The following RIPOR2 variants were observed in gnomAD, a reference collection of about 807,000 sequenced individuals.
The protein encoded by RIPOR2 is rho family-interacting cell polarization regulator 2.
In RIPOR2, 39 loss-of-function variants were observed where a neutral mutation model predicts 114.5. The ratio of observed to expected loss-of-function variants is 0.34; its 90% CI spans 0.26 to 0.44. RIPOR2 has a LOEUF of 0.44. Ranked by LOEUF, RIPOR2 falls within the 20% of genes least tolerant of loss-of-function variation. The probability of loss-of-function intolerance (pLI) is 1.00; values close to 1 mark genes in which losing one functional copy is unlikely to be tolerated. For missense variants in RIPOR2, 1,007 were observed against 1,255.1 expected (o/e 0.80, Z 2.99); for synonymous variants, 445 against 484.4 (o/e 0.92, Z 1.07).
chr6:24,966,962 T>C (rs1011682670), intron 1 of RIPOR2, among the ~76,000 whole-genome samples: 1 of 152,174 alleles, frequency 6.6e-6, no homozygotes, highest in African/African-American at 2.4e-5. Flanking sequence ...TGTACAGAGG[T>C]GAAGCTACTT....
intron 18 of RIPOR2, among the ~76,000 whole-genome samples, chr6:24,825,661 T>A (rs1760107407): frequency 6.6e-6 from 1 of 152,110 alleles, no homozygotes; most frequent in South Asian, 2.1e-4. Context: ...TGAAGGTGGG[T>A]TTCTATCTCA....
chr6:25,018,860 A>G (rs2113704313), intron 1 of RIPOR2, among the ~76,000 whole-genome samples: 1 of 152,284 alleles, frequency 6.6e-6, no homozygotes. Context: ...AAAGTTCCCC[A>G]ATAACTTTTC....
At chr6:24,854,854 C>A (rs1225893044) in intron 8 of RIPOR2, among the ~76,000 whole-genome samples, 1 of 151,844 alleles carries the variant, frequency 6.6e-6, no homozygotes, top group Admixed American at 6.6e-5. Flanking sequence ...ATGGTGAAAC[C>A]CTATCTCTAC....
At chr6:24,920,680 G>T (rs1226803405) in intron 1 of RIPOR2, among the ~76,000 whole-genome samples, 1 of 152,108 alleles carries the variant, frequency 6.6e-6, no homozygotes, top group East Asian at 1.9e-4. Flanking sequence ...TACTTAGAAT[G>T]GGACTTCATG....
At chr6:24,897,482 G>A (rs1036640399) in intron 1 of RIPOR2, among the ~76,000 whole-genome samples, 8 of 152,170 alleles carry the variant, frequency 5.3e-5, no homozygotes, top group African/African-American at 1.7e-4. Flanking sequence ...TTTGGATTCC[G>A]GATTACACTG....
At chr6:24,882,767 C>A (rs529715173) in intron 1 of RIPOR2, among the ~76,000 whole-genome samples, 3 of 152,210 alleles carry the variant, frequency 2.0e-5, no homozygotes, top group African/African-American at 4.8e-5. Flanking sequence ...CTTTTTCTAT[C>A]GGATTCTTTT....
intron 1 of RIPOR2, chr6:25,031,422 T>G (rs190393225): frequency 7.1e-4 from 108 of 152,032 alleles, no homozygotes; most frequent in African/African-American, 2.2e-3. Context: ...TCTTCATTGT[T>G]GTGGTGGTTA....
At position 24,981,772 on chromosome 6, in the gene RIPOR2, T is replaced by C. The variant is rs142077409; in HGVS notation, c.76+60079A>G. ...ACCTCTCTGTTCCACAGTGTTGTCA[T>C]CTATGAAATAAAGAGTATAGTAACA... On this transcript the variant is annotated intron_variant, in intron 1 of 13. Transcript: ENST00000510784. Among the ~76,000 whole-genome samples the C allele has an allele frequency of 6.7e-3, 1,020 of 152,330 alleles. 5 individuals are homozygous for C. Among genetic ancestry groups the C allele is most frequent in the Middle Eastern group, 0.037 (11 of 294 alleles).
At chr6:24,971,556 T>G (rs1309396891) in intron 1 of RIPOR2, among the ~76,000 whole-genome samples, 2 of 152,266 alleles carry the variant, frequency 1.3e-5, no homozygotes, top group African/African-American at 4.8e-5. Flanking sequence ...ATATTTTTCT[T>G]TCTTCCTATG....
chr6:25,022,331 G>A (rs373105595), intron 1 of RIPOR2, among the ~76,000 whole-genome samples: 2 of 151,998 alleles, frequency 1.3e-5, no homozygotes, highest in South Asian at 2.1e-4. Context: ...CAGTATGTAG[G>A]CTTTTGAGTC....
intron 1 of RIPOR2, among the ~76,000 whole-genome samples, chr6:24,913,840 G>T (rs1449917576): frequency 6.6e-6 from 1 of 152,066 alleles, no homozygotes. Flanking sequence ...AGATATCTCG[G>T]CTGGGTCCTT....
intron 5 of RIPOR2, among the ~76,000 whole-genome samples, 179 bp downstream of exon 5, chr6:24,870,687 A>G (rs541771479): frequency 1.8e-4 from 28 of 152,174 alleles, no homozygotes; most frequent in African/African-American, 6.7e-4. Context: ...TTTGTATTTC[A>G]TTTTTTGGTA....
At chr6:24,847,561 T>C (rs1762437405) in intron 12 of RIPOR2, 4 of 1,551,510 alleles carry the variant, frequency 2.6e-6, no homozygotes, top group Middle Eastern at 1.7e-4. Context: ...TAGCACGGCC[T>C]TGGGACTCGG....
At chr6:24,880,906 G>C (rs1396115757) in intron 1 of RIPOR2, among the ~76,000 whole-genome samples, 4 of 152,170 alleles carry the variant, frequency 2.6e-5, no homozygotes, top group African/African-American at 9.7e-5. Flanking sequence ...AGGTTCACCA[G>C]TTCACCAGAT....
intron 1 of RIPOR2, among the ~76,000 whole-genome samples, chr6:24,953,054 C>T (rs1466458263): frequency 6.6e-6 from 1 of 152,154 alleles, no homozygotes; most frequent in Non-Finnish European, 1.5e-5. Context: ...AAGGTTATGG[C>T]TGGGTGTGGT....
chr6:24,951,279 C>T (rs978355501), intron 1 of RIPOR2, among the ~76,000 whole-genome samples: 3 of 152,134 alleles, frequency 2.0e-5, no homozygotes, highest in African/African-American at 7.2e-5. Flanking sequence ...GGTTTTTATG[C>T]TCAGGAGAAC....
At chr6:25,024,290 G>A in intron 1 of RIPOR2, 1 of 1,531,850 alleles carries the variant, frequency 6.5e-7, no homozygotes, top group South Asian at 1.1e-5. Context: ...ACTCCCTGAT[G>A]ACATCCTCAA....
intron 1 of RIPOR2, among the ~76,000 whole-genome samples, chr6:24,915,055 G>T (rs1049303208): frequency 6.6e-6 from 1 of 152,128 alleles, no homozygotes; most frequent in African/African-American, 2.4e-5. Context: ...ATTCTTACAG[G>T]TGACTAGTCC....
At position 25,024,349 on chromosome 6, in the gene RIPOR2, C is replaced by T. The variant is rs1265480133; in HGVS notation, c.76+17502G>A. ...TTCAGTGCCTTCTTCCTGGCTTCCT[C>T]GAAGTCTTCCTTCTGGCCAGTGTTG... On this transcript the variant is annotated intron_variant, in intron 1 of 13. Coordinates refer to the RIPOR2 transcript ENST00000510784. 1.3e-5 allele frequency: 19 copies of T among 1,431,734 alleles called. No homozygotes were observed. The Admixed American group carries it at 1.3e-4, about 10-fold the overall frequency. The allele number at this position is 1,431,734 out of a possible 1,614,324, so 88.7% of individuals were successfully genotyped here. A position where few individuals can be genotyped will look rare whatever the true frequency, so the allele number is the denominator to read the frequency against.
Sources: gnomAD v4.1 joint callset for allele counts (sites outside exome capture counted in the v4.1 genomes callset) on GRCh38, gnomAD v4.1.1 for gene constraint, MANE v1.5 for transcripts, NCBI Gene and HGNC (gene_info 2026-07-23, HGNC 2026-07-21) for gene names.